TP53AIP1: variants seen among roughly 807,000 people sequenced by gnomAD.
TP53AIP1 encodes p53-regulated apoptosis-inducing protein 1.
In TP53AIP1, 14 loss-of-function variants were observed where a neutral mutation model predicts 9.5. That is an observed-to-expected ratio of 1.47 (90% CI 0.97 to 2.30). The LOEUF (loss-of-function observed/expected upper bound fraction) is 2.30. Ranked by LOEUF, TP53AIP1 falls within the 30% of genes most tolerant of loss-of-function variation. TP53AIP1 has a pLI of 0.00. For synonymous variants in TP53AIP1, 73 were observed against 61.2 expected, an observed-to-expected ratio of 1.19 and a Z score of -0.90; for missense variants, 153 against 146.7, an observed-to-expected ratio of 1.04 and a Z score of -0.22.
chr11:128,941,931 C>G (rs1253382007), intron 1 of TP53AIP1, among the ~76,000 whole-genome samples: 1 of 152,190 alleles, frequency 6.6e-6, no homozygotes, highest in African/African-American at 2.4e-5. Flanking sequence ...ATGAAGGGAC[C>G]CTCTAGAGGT....
At chr11:128,935,838 T>C (rs955170517) in intron 3 of TP53AIP1, 126 bp from the exon 4 acceptor site, 3 of 1,370,780 alleles carry the variant, frequency 2.2e-6, no homozygotes, top group South Asian at 4.1e-5. Flanking sequence ...TAAAACACAA[T>C]CCATTGTAAG....
intron 1 of TP53AIP1, among the ~76,000 whole-genome samples, chr11:128,940,524 T>A (rs1052149206): frequency 5.3e-5 from 8 of 152,172 alleles, no homozygotes; most frequent in Admixed American, 1.3e-4. Flanking sequence ...CCTTCAGCCA[T>A]GTGAGGACGG....
At position 128,937,221 on chromosome 11, in the gene TP53AIP1, G is replaced by T; in HGVS notation, c.141+457C>A. 1 of 1,222,866 alleles carries T rather than the reference G, an allele frequency of 8.2e-7. No homozygotes were observed. The allele number at this position is 1,222,866 out of a possible 1,614,324, so 75.8% of individuals were successfully genotyped here. On this transcript the variant is annotated intron_variant, in intron 2 of 3. Coordinates refer to ENST00000531399, the MANE Select transcript of TP53AIP1 (RefSeq NM_022112.3). The surrounding 1 kb of genome is among the most constrained non-coding windows in gnomAD (Gnocchi z 4.8). ...AAACGACTTCTTGGAGTAAGTGACTGGTGCTCCGAGGCCCATCTGGACAAA... is the reference window on the plus strand; with the variant it reads ...AAACGACTTCTTGGAGTAAGTGACTTGTGCTCCGAGGCCCATCTGGACAAA...
Position 128,937,450 on chromosome 11 carries a change from G to A in TP53AIP1, c.141+228C>T, listed in dbSNP as rs375629084. 54 of 1,503,840 alleles carry A rather than the reference G, an allele frequency of 3.6e-5. No homozygotes were observed. In the African/African-American group the frequency reaches 6.7e-4, roughly 19 times the overall value. The allele number at this position is 1,503,840 out of a possible 1,614,324, so 93.2% of individuals were successfully genotyped here. A position where few individuals can be genotyped will look rare whatever the true frequency, so the allele number is the denominator to read the frequency against. On this transcript the variant is annotated intron_variant, in intron 2 of 3. Coordinates refer to ENST00000531399, the MANE Select transcript of TP53AIP1 (RefSeq NM_022112.3). The surrounding 1 kb of genome is among the most constrained non-coding windows in gnomAD (Gnocchi z 4.8). The stretch of plus-strand genomic sequence containing the variant: ...CCTAGAAACCCAGGATTCCGAGGAG[G>A]AGGAGGGCTGGCCTTCCTCTTGGGA...
At chr11:128,935,910 A>C in intron 3 of TP53AIP1, 198 bp from the exon 4 acceptor site, 1 of 1,308,588 alleles carries the variant, frequency 7.6e-7, no homozygotes, top group Non-Finnish European at 9.7e-7. Flanking sequence ...TAGATATCAA[A>C]TGGGCCAACA....
downstream of TP53AIP1, chr11:128,935,167 G>A (rs1010382770): frequency 1.4e-5 from 13 of 942,268 alleles, no homozygotes; most frequent in Non-Finnish European, 2.1e-5. Flanking sequence ...TTGCTGGTTG[G>A]CATCAGCAGC....
chr11:128,937,187 G>A lies in TP53AIP1; in HGVS notation c.141+491C>T. The A allele has an allele frequency of 8.7e-7, 1 of 1,150,416 alleles. No homozygotes were observed. 71.3% of individuals were successfully genotyped at this position (1,150,416 alleles called of 1,614,324 possible). ...TTCCGAGTGCGTCATCTTCATTATT[G>A]GCCACAGGAAACGACTTCTTGGAGT... On this transcript the variant is annotated intron_variant, in intron 2 of 3. Transcript: ENST00000531399. The surrounding 1 kb of genome is among the most constrained non-coding windows in gnomAD (Gnocchi z 4.8).
chr11:128,935,415 A>G lies in TP53AIP1; in HGVS notation c.*176T>C. On this transcript the variant is annotated 3_prime_UTR_variant, in exon 4 of 4. Transcript: ENST00000531399. ...CAGATTTGGGGATACAGAAGGATGC[A>G]AAATGAGGCAACCTAGCCACCCAAC... 7.0e-7 allele frequency: 1 copy of G among 1,418,810 alleles called. No individual in the cohort carries two copies. Among genetic ancestry groups the G allele is most frequent in the Non-Finnish European group, 9.1e-7 (1 of 1,093,142 alleles). The allele number at this position is 1,418,810 out of a possible 1,614,324, so 87.9% of individuals were successfully genotyped here.
chr11:128,937,112 G>A lies in TP53AIP1; in HGVS notation c.142-463C>T, dbSNP rs73027294. The A allele has an allele frequency of 2.4e-3, 2,541 of 1,059,740 alleles. 8 individuals are homozygous for A. The highest frequency in any genetic ancestry group is 2.7e-3 in the Non-Finnish European group (2,399 of 877,176). 65.6% of individuals were successfully genotyped at this position (1,059,740 alleles called of 1,614,324 possible). A position where few individuals can be genotyped will look rare whatever the true frequency, so the allele number is the denominator to read the frequency against. On this transcript the variant is annotated intron_variant, in intron 2 of 3. Coordinates refer to ENST00000531399, the MANE Select transcript of TP53AIP1 (RefSeq NM_022112.3). This position sits in a 1 kb window ranked among gnomAD's most constrained non-coding sequence, Gnocchi z 4.8. ...CGGAGCCATGCGCTGCCTGTGCTGG[G>A]ATGAATGCATGGCCCCTGCATCCTT...
At chr11:128,938,133 G>A (rs78994885) in intron 1 of TP53AIP1, among the ~76,000 whole-genome samples, 4,026 of 152,272 alleles carry the variant, frequency 0.026, 96 homozygotes, top group African/African-American at 0.066. Flanking sequence ...AGTTAGGAGC[G>A]TTGTCGTTAA....
At chr11:128,935,185 A>G, downstream of TP53AIP1, 7 of 1,087,130 alleles carry the variant, frequency 6.4e-6, no homozygotes, top group Non-Finnish European at 8.0e-6. Flanking sequence ...AGCATCTGCT[A>G]TAGATGATCA....
chr11:128,935,745 A>G lies in TP53AIP1; in HGVS notation c.254-33T>C, dbSNP rs1033967011. ...GGGAGGGAGAGAATTTACTCTTTGC[A>G]AAACGTATGGAGTCCTTGTTATTTA... On this transcript the variant is annotated intron_variant, in intron 3 of 3. Coordinates refer to ENST00000531399, the MANE Select transcript of TP53AIP1 (RefSeq NM_022112.3). The G allele has an allele frequency of 9.2e-6, 14 of 1,523,912 alleles. No homozygotes were observed. The African/African-American group carries it at 1.5e-4, about 17-fold the overall frequency. The allele number at this position is 1,523,912 out of a possible 1,614,324, so 94.4% of individuals were successfully genotyped here. A position where few individuals can be genotyped will look rare whatever the true frequency, so the allele number is the denominator to read the frequency against.
At position 128,937,370 on chromosome 11, in the gene TP53AIP1, A is replaced by G. The variant is rs1265265130; in HGVS notation, c.141+308T>C. On this transcript the variant is annotated intron_variant, in intron 2 of 3. Transcript: ENST00000531399. The surrounding 1 kb of genome is among the most constrained non-coding windows in gnomAD (Gnocchi z 4.8). ...CATTTAGCTCTCACTTTCTGGATGCAGCCAGGCACCACCTTCCTTCCAAAA... is the reference window on the plus strand; with the variant it reads ...CATTTAGCTCTCACTTTCTGGATGCGGCCAGGCACCACCTTCCTTCCAAAA... 9.1e-6 allele frequency: 13 copies of G among 1,423,440 alleles called. No homozygotes were observed. In the East Asian group the frequency reaches 3.3e-4, roughly 36 times the overall value. 88.2% of individuals were successfully genotyped at this position (1,423,440 alleles called of 1,614,324 possible).
downstream of TP53AIP1, chr11:128,935,002 G>A: frequency 1.4e-6 from 1 of 702,968 alleles, no homozygotes; most frequent in South Asian, 1.5e-5. Flanking sequence ...AGAATTTCAG[G>A]ATGAGGCAGC....
At chr11:128,938,280 A>G (rs555114715) in intron 1 of TP53AIP1, among the ~76,000 whole-genome samples, 1 of 152,128 alleles carries the variant, frequency 6.6e-6, no homozygotes, top group South Asian at 2.1e-4. Context: ...ACATTCATTC[A>G]TTACATGCCT....
rs1944896642 is a variant in TP53AIP1, at chr11:128,939,257, A to G, written c.-76-1363T>C. Among the ~76,000 whole-genome samples the G allele has an allele frequency of 6.6e-6, 1 of 152,144 alleles. No homozygotes were observed. The highest frequency in any genetic ancestry group is 6.5e-5 in the Admixed American group (1 of 15,284). The stretch of plus-strand genomic sequence containing the variant: ...AGACACTCTGCACGCAGCCCCCAGG[A>G]GACCACAGGCCCTGGACTCCCAAAT... On this transcript the variant is annotated intron_variant, in intron 1 of 3. Coordinates refer to ENST00000531399, the MANE Select transcript of TP53AIP1 (RefSeq NM_022112.3). This position sits in a 1 kb window ranked among gnomAD's most constrained non-coding sequence, Gnocchi z 4.1.
intron 1 of TP53AIP1, among the ~76,000 whole-genome samples, chr11:128,942,065 T>G (rs1304592659): frequency 6.6e-6 from 1 of 152,158 alleles, no homozygotes; most frequent in African/African-American, 2.4e-5. Context: ...CCTGTGGCAG[T>G]CCTGGCACAC....
chr11:128,938,223 G>T (rs1944871608), intron 1 of TP53AIP1, among the ~76,000 whole-genome samples: 1 of 152,218 alleles, frequency 6.6e-6, no homozygotes, highest in Non-Finnish European at 1.5e-5. Flanking sequence ...ACGGTTGTAA[G>T]GTGTGGGCTA....
At chr11:128,935,032 AG>A (rs537542082), downstream of TP53AIP1, 162 of 703,236 alleles carry the variant, frequency 2.3e-4, 1 homozygote, top group African/African-American at 2.4e-3. Context: ...AGGCCAGGCA[AG>A]CTCTTACTGC....
Sources: gnomAD v4.1 joint callset for allele counts (sites outside exome capture counted in the v4.1 genomes callset) on GRCh38, gnomAD v4.1.1 for gene constraint, Gnocchi (gnomAD v3.1) non-coding constraint, MANE v1.5 for transcripts, NCBI Gene and HGNC (gene_info 2026-07-23, HGNC 2026-07-21) for gene names.